MUC6: variants seen among roughly 807,000 people sequenced by gnomAD.
The protein encoded by MUC6 is mucin 6, oligomeric mucus/gel-forming (gene/pseudogene).
In MUC6, 188 loss-of-function variants were observed where a neutral mutation model predicts 201.5. The ratio of observed to expected loss-of-function variants is 0.93; its 90% CI spans 0.83 to 1.05. The LOEUF (loss-of-function observed/expected upper bound fraction) is 1.05, where lower values mean the gene tolerates loss of function less well. Ranked by LOEUF, MUC6 falls within the 50% of genes least tolerant of loss-of-function variation. MUC6 has a pLI of 0.00. For synonymous variants in MUC6, 1,228 were observed against 1,389.4 expected, an observed-to-expected ratio of 0.88 and a Z score of 2.58; for missense variants, 2,706 against 3,256.9, an observed-to-expected ratio of 0.83 and a Z score of 4.12.
In MUC6 at chr11:1,024,831, G is replaced by C; in HGVS notation, c.3225+13C>G. 6.2e-7 allele frequency: 1 copy of C among 1,605,026 alleles called. No individual in the cohort carries two copies. Among genetic ancestry groups the C allele is most frequent in the Middle Eastern group, 1.7e-4 (1 of 6,040 alleles). On this transcript the variant is annotated intron_variant, in intron 24 of 32. Transcript: ENST00000421673. ...GGAGGGGCAGGCGCACAGCCCTCGT[G>C]CCCGGTGCCCACCTTGCTGTGGCAG...
At position 1,026,428 on chromosome 11, in the gene MUC6, C is replaced by T; in HGVS notation, c.2445G>A (p.Glu815=). The T allele has an allele frequency of 6.2e-7, 1 of 1,608,730 alleles. No homozygotes were observed. Among genetic ancestry groups the T allele is most frequent in the African/African-American group, 1.3e-5 (1 of 74,844 alleles). The change falls in exon 20 of 33, where the codon GAG becomes GAA. Residue 815 remains glutamate, a synonymous_variant. Coordinates refer to ENST00000421673, the MANE Select transcript of MUC6 (RefSeq NM_005961.3). ...GGGGCACACACTGCCCGTCGGCATT[C>T]TCGTAGAGGCCCTCGGCGCAGACAC... ...PGCVCAEGLY[E]NADGQCVPPE... is the part of the protein sequence containing the mutation.
intron 26 of MUC6, among the ~76,000 whole-genome samples, chr11:1,021,690 A>G (rs2133822872): frequency 6.6e-6 from 1 of 151,736 alleles, no homozygotes; most frequent in Middle Eastern, 3.4e-3. Flanking sequence ...CTTTCCTGCC[A>G]TGCCTTCCTC....
At position 1,033,301 on chromosome 11, in the gene MUC6, G is replaced by A. The variant is rs113492858; in HGVS notation, c.53-226C>T. 2.2e-5 allele frequency: 13 copies of A among 582,840 alleles called. No homozygotes were observed. Among genetic ancestry groups the A allele is most frequent in the African/African-American group, 7.4e-5 (4 of 53,808 alleles). The allele number at this position is 582,840 out of a possible 1,614,324, so 36.1% of individuals were successfully genotyped here. On this transcript the variant is annotated intron_variant, in intron 1 of 32. Coordinates refer to ENST00000421673, the MANE Select transcript of MUC6 (RefSeq NM_005961.3). The surrounding 1 kb of genome is among the most constrained non-coding windows in gnomAD (Gnocchi z 5.6). ...CTTCCCTGCTCTCGTTCACTCCCTC[G>A]TTTGTCCACTCAGTCCCAGTTCAGC...
chr11:1,024,082 C>T lies in MUC6; in HGVS notation c.3247G>A (p.Glu1083Lys), dbSNP rs755558141. ...CCACATGCGTCGCGCACGCAGGCCTCGTAGTAGGGCAGGTGGTATACCTGC... is the reference window on the plus strand; with the variant it reads ...CCACATGCGTCGCGCACGCAGGCCTTGTAGTAGGGCAGGTGGTATACCTGC... ...HSKVYHLPYY[E>K]ACVRDACGCD... The change falls in exon 25 of 33, where the codon GAG becomes AAG. Residue 1083 changes from glutamate (E) to lysine (K), a missense_variant. By Grantham distance (56) the Glu-to-Lys change is moderately conservative. This residue lies in a region of MUC6 where 1,850 missense variants were observed against 1,958.3 expected (regional missense o/e 0.94). Transcript: ENST00000421673. 7.6e-5 allele frequency: 123 copies of T among 1,612,762 alleles called. No individual in the cohort carries two copies. Among genetic ancestry groups the T allele is most frequent in the Non-Finnish European group, 9.9e-5 (117 of 1,179,770 alleles).
chr11:1,026,584 C>A, intron 19 of MUC6, 106 bp from the exon 20 acceptor site: 1 of 1,278,152 alleles, frequency 7.8e-7, no homozygotes, highest in Non-Finnish European at 1.0e-6. Flanking sequence ...GGTCCTCTCC[C>A]TGAATACAGC....
rs767031450 is a variant in MUC6, at chr11:1,033,115, G to A, written c.53-40C>T. 2.9e-5 allele frequency: 46 copies of A among 1,601,770 alleles called. No homozygotes were observed. The highest frequency in any genetic ancestry group is 2.0e-4 in the South Asian group (18 of 90,830). ...CCCGCAGTCGGTGTGGGGCTACCCC[G>A]TCGTCCCTGAGGGCGCCGCTCACCT... On this transcript the variant is annotated intron_variant, in intron 1 of 32. Coordinates refer to ENST00000421673, the MANE Select transcript of MUC6 (RefSeq NM_005961.3). The surrounding 1 kb of genome is among the most constrained non-coding windows in gnomAD (Gnocchi z 5.6).
At chr11:1,022,563 A>C (rs1856841546) in intron 26 of MUC6, among the ~76,000 whole-genome samples, 1 of 152,034 alleles carries the variant, frequency 6.6e-6, no homozygotes, top group African/African-American at 2.4e-5. Flanking sequence ...CTCCCACCCC[A>C]GCCTGCCTTT....
Position 1,021,711 on chromosome 11 carries a change from C to T in MUC6, c.3527-434G>A, listed in dbSNP as rs537124791. Among the ~76,000 whole-genome samples, 18 of 152,144 alleles carry T rather than the reference C, an allele frequency of 1.2e-4. No homozygotes were observed. In the South Asian group the frequency reaches 3.7e-3, roughly 32 times the overall value. ...TGCCATGCCTTCCTCAGGCCTTGGT[C>T]TCTCATACCCTGCTTATCACCCGGG... On this transcript the variant is annotated intron_variant, in intron 26 of 32. Transcript: ENST00000421673.
intron 31 of MUC6, 80 bp downstream of exon 31, chr11:1,015,677 TGAGGG>T: frequency 6.8e-7 from 1 of 1,479,330 alleles, no homozygotes; most frequent in South Asian, 1.5e-5. Context: ...CACAGGACCA[TGAGGG>T]GTAAGCTGAG....
chr11:1,018,883 TC>T, intron 30 of MUC6, 113 bp from the exon 31 acceptor site: 1 of 1,357,112 alleles, frequency 7.4e-7, no homozygotes, highest in Non-Finnish European at 9.9e-7. Flanking sequence ...GTGCCTCTGT[TC>T]CTGTGACATG....
intron 16 of MUC6, 28 bp downstream of exon 16, chr11:1,027,657 C>G (rs562169019): frequency 6.3e-7 from 1 of 1,583,168 alleles, no homozygotes; most frequent in East Asian, 2.3e-5. Flanking sequence ...CCTGCCGTGA[C>G]CCCGCTTAAG....
chr11:1,022,978 G>T (rs1258570260), intron 26 of MUC6, among the ~76,000 whole-genome samples: 2 of 151,992 alleles, frequency 1.3e-5, no homozygotes, highest in Non-Finnish European at 2.9e-5. Flanking sequence ...GCGTGAATGT[G>T]CATGAATGTG....
At chr11:1,021,644 TAC>T (rs1176671342) in intron 26 of MUC6, among the ~76,000 whole-genome samples, 10 of 152,078 alleles carry the variant, frequency 6.6e-5, no homozygotes, top group Admixed American at 6.5e-4. Flanking sequence ...GTGCTGGGAT[TAC>T]AGTTTCACCC....
chr11:1,018,499 T>C lies in MUC6; in HGVS notation c.4302A>G (p.Pro1434=). 1 of 1,613,850 alleles carries C rather than the reference T, an allele frequency of 6.2e-7. No homozygotes were observed. Among genetic ancestry groups the C allele is most frequent in the Middle Eastern group, 1.7e-4 (1 of 6,060 alleles). ...GTGTGGTCTCAGGGTGTGATGGGGT[T>C]GGATAGGTAGTGGTGGCATGGAAAG... ...ATSFHATTTY[P]TPSHPETTLP... is the part of the protein sequence containing the mutation. Residue 1434 remains proline (P), a synonymous_variant, in exon 31 of 33, where the codon CCA becomes CCG. Transcript: ENST00000421673.
At chr11:1,034,685 A>C (rs2133839888) in intron 1 of MUC6, among the ~76,000 whole-genome samples, 1 of 152,298 alleles carries the variant, frequency 6.6e-6, no homozygotes, top group South Asian at 2.1e-4. Flanking sequence ...TGCCCCCTGC[A>C]ACTCAGTTTC....
chr11:1,032,719 G>A (rs567868008), intron 2 of MUC6, among the ~76,000 whole-genome samples: 43 of 151,554 alleles, frequency 2.8e-4, no homozygotes, highest in African/African-American at 9.2e-4. Flanking sequence ...GGTTGTGTGT[G>A]TTGGGTGTGT....
In MUC6 at chr11:1,033,002, T is replaced by C. The variant is rs2133838077; in HGVS notation, c.115+11A>G. The C allele has an allele frequency of 1.3e-6, 2 of 1,577,930 alleles. No individual in the cohort carries two copies. Among genetic ancestry groups the C allele is most frequent in the Admixed American group, 1.7e-5 (1 of 58,132 alleles). On this transcript the variant is annotated intron_variant, in intron 2 of 32. Coordinates refer to ENST00000421673, the MANE Select transcript of MUC6 (RefSeq NM_005961.3). This position sits in a 1 kb window ranked among gnomAD's most constrained non-coding sequence, Gnocchi z 5.6. ...TCTGGGCGGCAGGATCAGTGGCCGC[T>C]GTGTTCTTACCTGTCTGTGGAGAGT...
chr11:1,019,137 GC>G (rs1856750703), intron 30 of MUC6, 137 bp downstream of exon 30: 10 of 1,065,082 alleles, frequency 9.4e-6, no homozygotes, highest in Non-Finnish European at 2.7e-6. Flanking sequence ...TCCAGCTCCA[GC>G]CTACACTTTT....
chr11:1,015,676 A>G, intron 31 of MUC6, 86 bp downstream of exon 31: 5 of 1,489,340 alleles, frequency 3.4e-6, no homozygotes, highest in Middle Eastern at 2.3e-4. Flanking sequence ...TCACAGGACC[A>G]TGAGGGGTAA....
Sources: allele counts gnomAD v4.1 joint callset (sites outside exome capture counted in the v4.1 genomes callset), GRCh38; gene constraint gnomAD v4.1.1; regional missense constraint gnomAD v4.1.1; non-coding constraint Gnocchi (gnomAD v3.1); transcripts MANE v1.5; gene names NCBI Gene and HGNC (gene_info 2026-07-23, HGNC 2026-07-21).